Variants in HYDIN observed in about 807,000 individuals in gnomAD.
HYDIN encodes the protein axonemal central pair apparatus protein HYDIN.
Under a neutral mutation model 403.9 loss-of-function variants are expected in HYDIN, and 132 were observed. The observed-to-expected ratio is 0.33, with a 90% CI of 0.28 to 0.38. The LOEUF (loss-of-function observed/expected upper bound fraction) is 0.38. Among genes scored for constraint, HYDIN ranks in the 10% least tolerant of loss-of-function variants. HYDIN has a pLI of 1.00. For synonymous variants in HYDIN, 1,202 were observed against 1,891.7 expected, an observed-to-expected ratio of 0.64 and a Z score of 9.46; for missense variants, 2,827 against 5,009.5, an observed-to-expected ratio of 0.56 and a Z score of 13.15.
intron 39 of HYDIN, among the ~76,000 whole-genome samples, chr16:70,958,441 G>A (rs1336431854): frequency 6.6e-6 from 1 of 152,124 alleles, no homozygotes; most frequent in Non-Finnish European, 1.5e-5. Flanking sequence ...CTCTTTCCAG[G>A]TCAGTGCCTT....
intron 45 of HYDIN, chr16:70,933,595 T>C (rs1368415713): frequency 6.5e-6 from 1 of 154,226 alleles, no homozygotes; most frequent in East Asian, 1.9e-4. Flanking sequence ...TCCAGCTTCC[T>C]CATCTCCAAA....
At chr16:70,821,732 G>GTT (rs571776690) in intron 83 of HYDIN, among the ~76,000 whole-genome samples, 5 of 150,732 alleles carry the variant, frequency 3.3e-5, no homozygotes, top group Admixed American at 6.6e-5. Context: ...TGGATCTATA[G>GTT]TTTTTTTTTA....
intron 23 of HYDIN, among the ~76,000 whole-genome samples, chr16:71,017,856 C>T (rs1307394666): frequency 6.6e-6 from 1 of 152,262 alleles, no homozygotes; most frequent in Non-Finnish European, 1.5e-5. Flanking sequence ...ATGGTCTTAT[C>T]ACTAGACTCA....
intron 84 of HYDIN, among the ~76,000 whole-genome samples, chr16:70,815,994 A>G (rs2035812647): frequency 6.6e-6 from 1 of 151,104 alleles, no homozygotes; most frequent in Non-Finnish European, 1.5e-5. Context: ...CTGTAATCCC[A>G]GCTACTCGGG....
chr16:71,149,413 A>G (rs909661223), intron 7 of HYDIN, among the ~76,000 whole-genome samples: 3 of 150,580 alleles, frequency 2.0e-5, no homozygotes, highest in African/African-American at 7.3e-5. Flanking sequence ...TCACTCAGCA[A>G]TTCTACTTTT....
intron 1 of HYDIN, among the ~76,000 whole-genome samples, chr16:71,216,729 G>A (rs1353895219): frequency 6.6e-6 from 1 of 152,188 alleles, no homozygotes; most frequent in Non-Finnish European, 1.5e-5. Context: ...CTGCAACCCA[G>A]TTTTTCCCAG....
At chr16:70,956,158 A>G (rs2078229034) in intron 39 of HYDIN, among the ~76,000 whole-genome samples, 1 of 151,896 alleles carries the variant, frequency 6.6e-6, no homozygotes, top group African/African-American at 2.4e-5. Flanking sequence ...TCTTTAAAAT[A>G]CTTTGTAGTT....
At position 70,927,768 on chromosome 16, in the gene HYDIN, C is replaced by G. The variant is rs184674961; in HGVS notation, c.7159-6551G>C. 2.6e-5 allele frequency among the ~76,000 whole-genome samples: 4 copies of G among 152,126 alleles called. No individual in the cohort carries two copies. In the South Asian group the frequency reaches 8.3e-4, roughly 32 times the overall value. On this transcript the variant is annotated intron_variant, in intron 45 of 85. Transcript: ENST00000393567. ...GAAGGAGCACAATCATGCCGACAGC[C>G]GACATCTCAACAGCCACATGGAAGA...
intron 3 of HYDIN, among the ~76,000 whole-genome samples, chr16:71,180,950 T>A (rs2086877101): frequency 6.6e-6 from 1 of 151,972 alleles, no homozygotes; most frequent in African/African-American, 2.4e-5. Context: ...ATGAAATTTA[T>A]AAACAATATT....
At chr16:71,093,752 A>C in intron 11 of HYDIN, 65 bp downstream of exon 11, 1 of 1,560,608 alleles carries the variant, frequency 6.4e-7, no homozygotes, top group Non-Finnish European at 8.7e-7. Flanking sequence ...AAAAACATAT[A>C]AGATAAAACA....
chr16:70,902,821 A>ATATATATTTTTT lies in HYDIN; in HGVS notation c.8849+803_8849+804insAAAAAATATATA. On this transcript the variant is annotated intron_variant, in intron 52 of 85. Coordinates refer to ENST00000393567, the MANE Select transcript of HYDIN (RefSeq NM_001270974.2). ...TATATATATATATATATATATATAT[A>ATATATATTTTTT]TTTTTTTTTTTTTTTTTGTCCCACT... is the stretch of plus-strand genomic sequence containing the variant. Among the ~76,000 whole-genome samples the ATATATATTTTTT allele has an allele frequency of 1.9e-3, 90 of 47,224 alleles. 2 individuals are homozygous for ATATATATTTTTT. Among genetic ancestry groups the ATATATATTTTTT allele is most frequent in the African/African-American group, 9.7e-3 (82 of 8,492 alleles). 31.0% of individuals were successfully genotyped at this position (47,224 alleles called of 152,430 possible).
chr16:70,834,775 G>C lies in HYDIN; in HGVS notation c.13402-611C>G, dbSNP rs542810728. ...AGGCAGGAGAATCACTTGAACCCAG[G>C]AGGTGGAGATTGCAGTGAGCTGAGA... On this transcript the variant is annotated intron_variant, in intron 78 of 85. Coordinates refer to ENST00000393567, the MANE Select transcript of HYDIN (RefSeq NM_001270974.2). Among the ~76,000 whole-genome samples, 30 of 151,694 alleles carry C rather than the reference G, an allele frequency of 2.0e-4. No homozygotes were observed. In the East Asian group the frequency reaches 3.9e-3, roughly 20 times the overall value.
intron 75 of HYDIN, among the ~76,000 whole-genome samples, chr16:70,843,206 CCA>C (rs2037957681): frequency 8.6e-6 from 1 of 116,662 alleles, no homozygotes; most frequent in Non-Finnish European, 1.7e-5. Context: ...CCCCACCCCA[CCA>C]CAGTCCCCAG....
intron 13 of HYDIN, among the ~76,000 whole-genome samples, chr16:71,071,754 T>C (rs2082473904): frequency 6.6e-6 from 1 of 152,198 alleles, no homozygotes; most frequent in Non-Finnish European, 1.5e-5. Context: ...ATATGGTATA[T>C]TATTTGGAAC....
intron 19 of HYDIN, among the ~76,000 whole-genome samples, chr16:71,030,332 T>C (rs2080859419): frequency 1.3e-5 from 2 of 151,882 alleles, no homozygotes; most frequent in South Asian, 4.2e-4. Context: ...GCTGGGATCA[T>C]AGGCATAAAC....
intron 3 of HYDIN, 58 bp downstream of exon 3, chr16:71,184,807 G>C (rs2087067175): frequency 2.1e-6 from 3 of 1,458,358 alleles, no homozygotes; most frequent in Middle Eastern, 1.8e-4. Context: ...TATTGTTCTG[G>C]AATTTTGGTG....
intron 1 of HYDIN, among the ~76,000 whole-genome samples, chr16:71,208,075 C>T (rs898649008): frequency 3.3e-5 from 5 of 152,088 alleles, no homozygotes; most frequent in African/African-American, 9.7e-5. Context: ...GGACCTAGTA[C>T]ACAGCTACAG....
intron 7 of HYDIN, among the ~76,000 whole-genome samples, chr16:71,138,760 C>A (rs1300545785): frequency 6.6e-6 from 1 of 151,968 alleles, no homozygotes; most frequent in African/African-American, 2.4e-5. Context: ...AAAGAGAAAA[C>A]CCCTCCTCCA....
chr16:71,047,980 C>G (rs900730437), intron 18 of HYDIN, among the ~76,000 whole-genome samples: 4 of 149,712 alleles, frequency 2.7e-5, no homozygotes, highest in African/African-American at 9.8e-5. Flanking sequence ...ACCAACCTCT[C>G]CTTTCTCCAC....
Sources: allele counts gnomAD v4.1 joint callset (sites outside exome capture counted in the v4.1 genomes callset), GRCh38; gene constraint gnomAD v4.1.1; transcripts MANE v1.5; gene names NCBI Gene and HGNC (gene_info 2026-07-23, HGNC 2026-07-21).